LASP1: variants seen among roughly 807,000 people sequenced by gnomAD.
LASP1 encodes the protein LIM and SH3 protein 1.
A neutral mutation model predicts 38.6 loss-of-function variants in LASP1; 10 were observed. That is an observed-to-expected ratio of 0.26 (90% CI 0.16 to 0.44). The LOEUF (loss-of-function observed/expected upper bound fraction) is 0.44. LASP1 is among the 20% of genes least tolerant of loss of function. The pLI, the probability that LASP1 is intolerant of heterozygous loss-of-function variation, is 1.00. For synonymous variants in LASP1, 132 were observed against 140.8 expected (o/e 0.94, Z 0.44); for missense variants, 243 against 375.7 (o/e 0.65, Z 2.92).
At chr17:38,910,471 T>C (rs973635214) in intron 4 of LASP1, among the ~76,000 whole-genome samples, 34 of 143,042 alleles carry the variant, frequency 2.4e-4, no homozygotes, top group African/African-American at 8.6e-4. Context: ...CACCGCCCCC[T>C]GCCAAGCATT....
chr17:38,875,712 C>T (rs1441857313), intron 1 of LASP1, among the ~76,000 whole-genome samples: 1 of 152,140 alleles, frequency 6.6e-6, no homozygotes, highest in Non-Finnish European at 1.5e-5. Flanking sequence ...TGAAGTGGGC[C>T]ATGGTAGGGA....
At chr17:38,909,157 G>A (rs1914856092) in intron 4 of LASP1, among the ~76,000 whole-genome samples, 1 of 152,174 alleles carries the variant, frequency 6.6e-6, no homozygotes, top group African/African-American at 2.4e-5. Flanking sequence ...TCCTTGTCCT[G>A]GTGTCCTGCT....
chr17:38,917,862 T>C (rs1347304783), intron 6 of LASP1, among the ~76,000 whole-genome samples: 1 of 152,028 alleles, frequency 6.6e-6, no homozygotes, highest in Non-Finnish European at 1.5e-5. Flanking sequence ...ACTAATTTTT[T>C]ATTTTTTGTT....
intron 1 of LASP1, among the ~76,000 whole-genome samples, chr17:38,871,790 G>A (rs1913616539): frequency 6.6e-6 from 1 of 152,076 alleles, no homozygotes; most frequent in Non-Finnish European, 1.5e-5. Context: ...TGGGCAGGAG[G>A]AGAGGAGGGG....
chr17:38,897,989 G>A (rs1421479204), intron 3 of LASP1, among the ~76,000 whole-genome samples: 2 of 152,234 alleles, frequency 1.3e-5, no homozygotes, highest in East Asian at 1.9e-4. Flanking sequence ...TGGGCAGGGA[G>A]TGAAGGGTCA....
chr17:38,905,295 G>A (rs553589179), intron 4 of LASP1, among the ~76,000 whole-genome samples: 20 of 152,192 alleles, frequency 1.3e-4, no homozygotes, highest in African/African-American at 4.6e-4. Flanking sequence ...TTGGGAGACC[G>A]AAGTGGGTGG....
At chr17:38,909,653 G>A (rs769192631) in intron 4 of LASP1, among the ~76,000 whole-genome samples, 6 of 152,026 alleles carry the variant, frequency 3.9e-5, no homozygotes, top group South Asian at 2.1e-4. Flanking sequence ...CCCACTAGGG[G>A]TCATCAAGGT....
chr17:38,882,499 C>T (rs942193297), intron 2 of LASP1, among the ~76,000 whole-genome samples: 3 of 152,150 alleles, frequency 2.0e-5, no homozygotes, highest in Admixed American at 6.5e-5. Context: ...CCACTCGCCT[C>T]GGCCTCCCAA....
At chr17:38,914,498 C>T (rs753303522) in intron 5 of LASP1, 23 bp downstream of exon 5, 25 of 1,575,720 alleles carry the variant, frequency 1.6e-5, no homozygotes, top group Non-Finnish European at 2.2e-5. Context: ...CCTGTTGGTG[C>T]AGATGACCTG....
At chr17:38,882,497 C>T (rs1913983983) in intron 2 of LASP1, among the ~76,000 whole-genome samples, 1 of 152,172 alleles carries the variant, frequency 6.6e-6, no homozygotes, top group South Asian at 2.1e-4. Flanking sequence ...ATCCACTCGC[C>T]TCGGCCTCCC....
rs1915186868 is a variant in LASP1, at chr17:38,918,166, G to A, written c.613-439G>A. Reference sequence around the variant, plus strand: ...AAAAAAAAAAAAAAAAGAGGGAGTTGGGGGGTCTTACTGTGTTTCCCAGGC... The same window carrying A: ...AAAAAAAAAAAAAAAAGAGGGAGTTAGGGGGTCTTACTGTGTTTCCCAGGC... On this transcript the variant is annotated intron_variant, in intron 6 of 6. Transcript: ENST00000318008. This position sits in a 1 kb window ranked among gnomAD's most constrained non-coding sequence, Gnocchi z 4.4. Among the ~76,000 whole-genome samples the A allele has an allele frequency of 6.6e-6, 1 of 151,838 alleles. No homozygotes were observed. Among genetic ancestry groups the A allele is most frequent in the African/African-American group, 2.4e-5 (1 of 41,334 alleles).
chr17:38,914,885 C>T (rs1284979146), intron 5 of LASP1, 158 bp from the exon 6 acceptor site: 3 of 687,642 alleles, frequency 4.4e-6, no homozygotes, highest in African/African-American at 3.6e-5. Flanking sequence ...ATACAACACA[C>T]AGGCAAATGT....
At chr17:38,884,011 A>T (rs1598106972) in intron 2 of LASP1, among the ~76,000 whole-genome samples, 1 of 149,880 alleles carries the variant, frequency 6.7e-6, no homozygotes, top group African/African-American at 2.5e-5. Flanking sequence ...TAGAGGCAGG[A>T]TGTGGGGGCT....
At chr17:38,884,426 T>C (rs1263300180) in intron 2 of LASP1, among the ~76,000 whole-genome samples, 3 of 151,574 alleles carry the variant, frequency 2.0e-5, no homozygotes, top group African/African-American at 2.4e-5. Context: ...TCGCTCTTGT[T>C]GCCCAGGCTG....
chr17:38,918,868 T>C lies in LASP1; in HGVS notation c.*90T>C, dbSNP rs768761871. The C allele has an allele frequency of 8.4e-6, 12 of 1,433,366 alleles. No individual in the cohort carries two copies. In the South Asian group the frequency reaches 1.3e-4, roughly 16 times the overall value. The allele number at this position is 1,433,366 out of a possible 1,614,324, so 88.8% of individuals were successfully genotyped here. A position where few individuals can be genotyped will look rare whatever the true frequency, so the allele number is the denominator to read the frequency against. On this transcript the variant is annotated 3_prime_UTR_variant, in exon 7 of 7. Coordinates refer to ENST00000318008, the MANE Select transcript of LASP1 (RefSeq NM_006148.4). This position sits in a 1 kb window ranked among gnomAD's most constrained non-coding sequence, Gnocchi z 4.4. Reference sequence around the variant, plus strand: ...CGTCCATTCTTCAGTGTCTCTGTTTTTTAAAACCTGCGACAGCTTGTGATT... The same window carrying C: ...CGTCCATTCTTCAGTGTCTCTGTTTCTTAAAACCTGCGACAGCTTGTGATT...
chr17:38,919,423 C>T lies in LASP1; in HGVS notation c.*645C>T. On this transcript the variant is annotated 3_prime_UTR_variant, in exon 7 of 7. Transcript: ENST00000318008. ...CCTTCGCACACTGTGATTTTGCCCT[C>T]CTGCCCACGCAGACCTGCAGCGGGC... 4.2e-6 allele frequency: 1 copy of T among 240,622 alleles called. No homozygotes were observed. The highest frequency in any genetic ancestry group is 5.9e-5 in the East Asian group (1 of 16,888). The allele number at this position is 240,622 out of a possible 1,614,324, so 14.9% of individuals were successfully genotyped here.
intron 5 of LASP1, 69 bp from the exon 6 acceptor site, chr17:38,914,974 C>CCA: frequency 6.8e-7 from 1 of 1,475,914 alleles, no homozygotes; most frequent in African/African-American, 1.4e-5. Context: ...GTATGGACTT[C>CCA]TCGGGAGCTC....
intron 2 of LASP1, among the ~76,000 whole-genome samples, chr17:38,887,218 A>G (rs899721081): frequency 6.6e-6 from 1 of 151,436 alleles, no homozygotes; most frequent in African/African-American, 2.4e-5. Context: ...CCTCTCCCCC[A>G]CCCTGCTTTT....
intron 2 of LASP1, among the ~76,000 whole-genome samples, chr17:38,889,895 C>T (rs1050084824): frequency 5.3e-5 from 8 of 152,184 alleles, no homozygotes; most frequent in East Asian, 1.9e-4. Context: ...CCACTTTAAC[C>T]GTGTGTTTTC....
Sources: allele counts gnomAD v4.1 joint callset (sites outside exome capture counted in the v4.1 genomes callset), GRCh38; gene constraint gnomAD v4.1.1; non-coding constraint Gnocchi (gnomAD v3.1); transcripts MANE v1.5; gene names NCBI Gene and HGNC (gene_info 2026-07-23, HGNC 2026-07-21).